Variants in SPDYA observed in about 807,000 individuals in gnomAD.
SPDYA encodes the protein speedy/RINGO cell cycle regulator family member A.
A neutral mutation model predicts 36.7 loss-of-function variants in SPDYA; 11 were observed. The ratio of observed to expected loss-of-function variants is 0.30; its 90% CI spans 0.19 to 0.50. SPDYA has a LOEUF of 0.50. Among genes scored for constraint, SPDYA ranks in the 20% least tolerant of loss-of-function variants. The pLI, the probability that SPDYA is intolerant of heterozygous loss-of-function variation, is 0.98. For missense variants in SPDYA, 287 were observed against 370.9 expected, an observed-to-expected ratio of 0.77 and a Z score of 1.86; for synonymous variants, 115 against 118.7, an observed-to-expected ratio of 0.97 and a Z score of 0.20.
intron 2 of SPDYA, among the ~76,000 whole-genome samples, chr2:28,815,547 C>G (rs1031567498): frequency 1.3e-5 from 2 of 151,764 alleles, no homozygotes; most frequent in African/African-American, 4.8e-5. Context: ...TAATTTAATA[C>G]TTGATAATAC....
At chr2:28,819,844 AAAAAAATATAT>A (rs1668098710) in intron 4 of SPDYA, among the ~76,000 whole-genome samples, 1 of 36,106 alleles carries the variant, frequency 2.8e-5, no homozygotes, top group African/African-American at 1.3e-4. Context: ...AAAAAAAAAA[AAAAAAATATAT>A]ATATATATAT....
intron 7 of SPDYA, among the ~76,000 whole-genome samples, chr2:28,844,018 G>A (rs1317693519): frequency 1.3e-5 from 2 of 152,160 alleles, no homozygotes; most frequent in Non-Finnish European, 2.9e-5. Context: ...AGGGAGGCAT[G>A]TAACATTACA....
chr2:28,830,036 G>A (rs1216275497), intron 6 of SPDYA, among the ~76,000 whole-genome samples: 1 of 151,148 alleles, frequency 6.6e-6, no homozygotes, highest in Non-Finnish European at 1.5e-5. Context: ...CTACTTGGGA[G>A]GCTGAGGCAG....
Position 28,849,933 on chromosome 2 carries a change from G to A in SPDYA, c.934G>A (p.Glu312Lys), listed in dbSNP as rs901936540. Residue 312 changes from glutamate (E) to lysine (K), a missense_variant, in exon 8 of 8, where the codon GAA becomes AAA. Physicochemically the swap from Glu to Lys is moderately conservative, Grantham distance 56. Coordinates refer to ENST00000334056, the MANE Select transcript of SPDYA (RefSeq NM_182756.4). Reference protein sequence around the residue: ...DKSMEWFTGSEE With the variant: ...DKSMEWFTGSKE The stretch of plus-strand genomic sequence containing the variant: ...ATCTATGGAGTGGTTTACAGGAAGT[G>A]AAGAATGAGATGGCCCAACTAAACC... The A allele has an allele frequency of 1.3e-6, 2 of 1,588,402 alleles. No individual in the cohort carries two copies. The highest frequency in any genetic ancestry group is 2.7e-5 in the African/African-American group (2 of 73,580).
intron 6 of SPDYA, among the ~76,000 whole-genome samples, chr2:28,832,843 CTTT>C (rs36004797): frequency 4.6e-5 from 6 of 131,040 alleles, no homozygotes; most frequent in Non-Finnish European, 3.2e-5. Context: ...CCACCCCCAC[CTTT>C]TTTTTTTTTT....
chr2:28,816,388 T>C, intron 3 of SPDYA, 139 bp downstream of exon 3: 1 of 688,372 alleles, frequency 1.5e-6, no homozygotes, highest in Non-Finnish European at 2.2e-6. Context: ...AAATTTGTTT[T>C]TGTTTTACTT....
At chr2:28,849,260 T>C (rs1229930355) in intron 7 of SPDYA, among the ~76,000 whole-genome samples, 2 of 152,176 alleles carry the variant, frequency 1.3e-5, no homozygotes, top group Non-Finnish European at 2.9e-5. Flanking sequence ...TAAGTCCCAT[T>C]TGTAATTAAT....
At chr2:28,818,026 G>A (rs1668031913) in intron 3 of SPDYA, among the ~76,000 whole-genome samples, 1 of 151,286 alleles carries the variant, frequency 6.6e-6, no homozygotes, top group Non-Finnish European at 1.5e-5. Context: ...ATTTATCTGG[G>A]CATGGTGGTG....
intron 6 of SPDYA, among the ~76,000 whole-genome samples, chr2:28,832,022 C>T (rs1668490561): frequency 1.3e-5 from 2 of 152,120 alleles, no homozygotes; most frequent in African/African-American, 2.4e-5. Context: ...TCTAAGATAT[C>T]CATCAATAAA....
At chr2:28,838,348 A>G (rs1488696281) in intron 6 of SPDYA, among the ~76,000 whole-genome samples, 1 of 151,676 alleles carries the variant, frequency 6.6e-6, no homozygotes, top group African/African-American at 2.4e-5. Context: ...TGCCCAACTA[A>G]TTTTGTATTT....
chr2:28,826,611 C>CTCTTT (rs1553315436), intron 5 of SPDYA, among the ~76,000 whole-genome samples: 12 of 75,326 alleles, frequency 1.6e-4, no homozygotes, highest in African/African-American at 6.6e-4. Flanking sequence ...TTCTTTCTCT[C>CTCTTT]TTTTTTTTTT....
At chr2:28,842,517 T>C (rs1190138102) in intron 7 of SPDYA, among the ~76,000 whole-genome samples, 1 of 152,172 alleles carries the variant, frequency 6.6e-6, no homozygotes, top group Non-Finnish European at 1.5e-5. Flanking sequence ...GGATTGTGGA[T>C]GAAAAGTGGG....
chr2:28,845,329 C>G (rs754010065), intron 7 of SPDYA, among the ~76,000 whole-genome samples: 1 of 149,660 alleles, frequency 6.7e-6, no homozygotes, highest in Non-Finnish European at 1.5e-5. Flanking sequence ...CTCCTGACCT[C>G]AAGCAATCCT....
At chr2:28,828,378 T>A (rs1288963910) in intron 5 of SPDYA, among the ~76,000 whole-genome samples, 1 of 152,264 alleles carries the variant, frequency 6.6e-6, no homozygotes, top group Non-Finnish European at 1.5e-5. Flanking sequence ...AGATGTTTTC[T>A]CTGTAATATT....
At chr2:28,826,212 C>G (rs1443897435) in intron 5 of SPDYA, among the ~76,000 whole-genome samples, 1 of 152,166 alleles carries the variant, frequency 6.6e-6, no homozygotes, top group African/African-American at 2.4e-5. Context: ...TCTTGGCTCA[C>G]TGCAACCTCT....
At position 28,835,395 on chromosome 2, in the gene SPDYA, G is replaced by A. The variant is rs180975146; in HGVS notation, c.553-4777G>A. Among the ~76,000 whole-genome samples, 51 of 152,036 alleles carry A rather than the reference G, an allele frequency of 3.4e-4. 1 individual carries two copies. The East Asian group carries it at 9.1e-3, about 27-fold the overall frequency. ...TGGGATTACAGGCATGCGCCACCAC[G>A]CCCGGCTATTTTGTATTTTTAGTAG... On this transcript the variant is annotated intron_variant, in intron 6 of 7. Coordinates refer to ENST00000334056, the MANE Select transcript of SPDYA (RefSeq NM_182756.4).
intron 6 of SPDYA, among the ~76,000 whole-genome samples, 191 bp from the exon 7 acceptor site, chr2:28,839,981 C>T (rs929473826): frequency 2.0e-5 from 3 of 152,126 alleles, no homozygotes; most frequent in Non-Finnish European, 4.4e-5. Context: ...CAATTATTGT[C>T]TTAAAGATCC....
chr2:28,819,164 A>C, intron 4 of SPDYA, 58 bp downstream of exon 4: 2 of 1,229,446 alleles, frequency 1.6e-6, no homozygotes, highest in Non-Finnish European at 2.3e-6. Context: ...GAACCATTAG[A>C]GCTTTAATGA....
intron 4 of SPDYA, among the ~76,000 whole-genome samples, chr2:28,822,102 A>C (rs941005994): frequency 9.9e-5 from 15 of 152,184 alleles, no homozygotes; most frequent in African/African-American, 3.6e-4. Flanking sequence ...AAAATTTAGG[A>C]GTCCATTCTA....
Sources: gnomAD v4.1 joint callset for allele counts (sites outside exome capture counted in the v4.1 genomes callset) on GRCh38, gnomAD v4.1.1 for gene constraint, MANE v1.5 for transcripts, NCBI Gene and HGNC (gene_info 2026-07-23, HGNC 2026-07-21) for gene names.